WDR70: variants seen among roughly 807,000 people sequenced by gnomAD.
WDR70 encodes WD repeat domain 70.
In WDR70, 53 loss-of-function variants were observed where a neutral mutation model predicts 88.6. That is an observed-to-expected ratio of 0.60 (90% CI 0.48 to 0.75). The LOEUF is 0.75. Ranked by LOEUF, WDR70 falls within the 30% of genes least tolerant of loss-of-function variation. The probability of loss-of-function intolerance (pLI) is 0.00; values close to 1 mark genes in which losing one functional copy is unlikely to be tolerated. For synonymous variants in WDR70, 280 were observed against 270.0 expected (o/e 1.04, Z -0.36); for missense variants, 610 against 823.2 (o/e 0.74, Z 3.17).
intron 10 of WDR70, among the ~76,000 whole-genome samples, chr5:37,637,127 A>T (rs1217450262): frequency 6.6e-6 from 1 of 151,990 alleles, no homozygotes; most frequent in Non-Finnish European, 1.5e-5. Flanking sequence ...GTATCACTTG[A>T]GTTCAGGAGT....
At chr5:37,721,479 A>G (rs2112695939) in intron 14 of WDR70, 2 of 489,100 alleles carry the variant, frequency 4.1e-6, no homozygotes, top group Non-Finnish European at 7.4e-6. Flanking sequence ...GCAAGGGGGA[A>G]AAACGTTCTG....
chr5:37,534,713 A>G (rs1741608379), intron 9 of WDR70, among the ~76,000 whole-genome samples: 1 of 152,040 alleles, frequency 6.6e-6, no homozygotes, highest in African/African-American at 2.4e-5. Context: ...TCCTGACCTC[A>G]GGTGATCCGC....
At chr5:37,382,941 A>C (rs1377691199) in intron 3 of WDR70, among the ~76,000 whole-genome samples, 2 of 151,870 alleles carry the variant, frequency 1.3e-5, no homozygotes, top group Non-Finnish European at 2.9e-5. Flanking sequence ...TGAACCTGGG[A>C]GGCAGAGGTT....
At chr5:37,506,076 T>G (rs1309857121) in intron 8 of WDR70, 2 of 1,290,698 alleles carry the variant, frequency 1.5e-6, no homozygotes, top group East Asian at 4.6e-5. Context: ...ATCACCTCAT[T>G]CAAGATTTGC....
intron 9 of WDR70, among the ~76,000 whole-genome samples, chr5:37,576,969 C>T (rs1743079312): frequency 1.3e-5 from 2 of 152,168 alleles, no homozygotes; most frequent in African/African-American, 4.8e-5. Context: ...CAATCCAGGA[C>T]ACTCGTGGCA....
intron 3 of WDR70, among the ~76,000 whole-genome samples, chr5:37,386,762 G>T (rs1025691189): frequency 2.0e-5 from 3 of 152,076 alleles, no homozygotes; most frequent in Admixed American, 1.3e-4. Context: ...ATACTGTCTT[G>T]TTAAAAAATG....
At chr5:37,475,907 G>A (rs532519696) in intron 7 of WDR70, among the ~76,000 whole-genome samples, 9 of 146,056 alleles carry the variant, frequency 6.2e-5, no homozygotes, top group African/African-American at 1.0e-4. Context: ...GTGCAATGGC[G>A]TGATCTCGGC....
chr5:37,469,919 A>G (rs1021010617), intron 7 of WDR70, among the ~76,000 whole-genome samples: 1 of 152,146 alleles, frequency 6.6e-6, no homozygotes, highest in African/African-American at 2.4e-5. Flanking sequence ...GCTTGCCAAT[A>G]TTTGGTAATA....
At chr5:37,481,950 A>T (rs1198539893) in intron 8 of WDR70, among the ~76,000 whole-genome samples, 1 of 152,180 alleles carries the variant, frequency 6.6e-6, no homozygotes, top group Non-Finnish European at 1.5e-5. Context: ...TTTCCCGCCT[A>T]TCTTATGCCC....
At chr5:37,577,474 GC>G (rs1743092445) in intron 9 of WDR70, among the ~76,000 whole-genome samples, 1 of 152,064 alleles carries the variant, frequency 6.6e-6, no homozygotes, top group Non-Finnish European at 1.5e-5. Context: ...TACCTTGCCA[GC>G]CAATCAATCA....
At chr5:37,629,246 G>A (rs568191192) in intron 10 of WDR70, among the ~76,000 whole-genome samples, 4 of 152,078 alleles carry the variant, frequency 2.6e-5, no homozygotes, top group Admixed American at 6.6e-5. Flanking sequence ...GACTATGTTG[G>A]GCTCCAGAGA....
At chr5:37,500,085 C>T (rs1216143571) in intron 8 of WDR70, among the ~76,000 whole-genome samples, 2 of 151,948 alleles carry the variant, frequency 1.3e-5, no homozygotes, top group Non-Finnish European at 2.9e-5. Context: ...GTTTTTTTAT[C>T]CCTCATTCCT....
chr5:37,543,597 T>A lies in WDR70; in HGVS notation c.917+27007T>A, dbSNP rs1741898686. 2.0e-5 allele frequency among the ~76,000 whole-genome samples: 3 copies of A among 152,196 alleles called. No individual in the cohort carries two copies. The South Asian group carries it at 6.2e-4, about 32-fold the overall frequency. ...AAAAGGACATATTTATTGTACTATT[T>A]AAACTTTTTTGTAGCTTTGAATCTT... is the stretch of plus-strand genomic sequence containing the variant. On this transcript the variant is annotated intron_variant, in intron 9 of 17. Transcript: ENST00000265107.
chr5:37,382,890 G>A (rs1040654802), intron 3 of WDR70, among the ~76,000 whole-genome samples: 17 of 151,962 alleles, frequency 1.1e-4, no homozygotes, highest in African/African-American at 3.6e-4. Context: ...TTGGGCCCCT[G>A]TAATCCCAGC....
At chr5:37,744,407 A>G (rs552222940) in intron 17 of WDR70, among the ~76,000 whole-genome samples, 85 of 152,278 alleles carry the variant, frequency 5.6e-4, no homozygotes, top group African/African-American at 2.0e-3. Context: ...CATTAAGGGC[A>G]CAGAACTGGA....
intron 7 of WDR70, among the ~76,000 whole-genome samples, chr5:37,477,693 C>T (rs1489731591): frequency 6.6e-6 from 1 of 152,126 alleles, no homozygotes; most frequent in African/African-American, 2.4e-5. Context: ...TAACTTGTGA[C>T]ACAAAAAGCT....
chr5:37,424,398 T>G (rs1204308381), intron 5 of WDR70, among the ~76,000 whole-genome samples: 2 of 115,598 alleles, frequency 1.7e-5, no homozygotes, highest in African/African-American at 5.3e-5. Context: ...GACAATTTAA[T>G]TTTTTTCCAT....
At chr5:37,534,499 C>T (rs1581374377) in intron 9 of WDR70, among the ~76,000 whole-genome samples, 5 of 133,168 alleles carry the variant, frequency 3.8e-5, no homozygotes, top group African/African-American at 5.7e-5. Flanking sequence ...ACAAATCAGG[C>T]TTTTTTTTTT....
intron 9 of WDR70, among the ~76,000 whole-genome samples, chr5:37,559,062 G>A (rs1178921641): frequency 6.6e-6 from 1 of 151,734 alleles, no homozygotes; most frequent in Non-Finnish European, 1.5e-5. Flanking sequence ...GCCTCCCGAG[G>A]AGCTGGGATT....
Sources: allele counts gnomAD v4.1 joint callset (sites outside exome capture counted in the v4.1 genomes callset), GRCh38; gene constraint gnomAD v4.1.1; transcripts MANE v1.5; gene names NCBI Gene and HGNC (gene_info 2026-07-23, HGNC 2026-07-21).